SCUBE1: variants seen among roughly 807,000 people sequenced by gnomAD.
SCUBE1 encodes the protein signal peptide, CUB and EGF-like domain-containing protein 1.
A neutral mutation model predicts 124.4 loss-of-function variants in SCUBE1; 59 were observed. That is an observed-to-expected ratio of 0.47 (90% confidence interval 0.38 to 0.59). SCUBE1 has a LOEUF of 0.59. Among genes scored for constraint, SCUBE1 ranks in the 20% least tolerant of loss-of-function variants. SCUBE1 has a pLI of 0.00. For missense variants in SCUBE1, 1,150 were observed against 1,371.2 expected, an observed-to-expected ratio of 0.84 and a Z score of 2.55; for synonymous variants, 545 against 550.9, an observed-to-expected ratio of 0.99 and a Z score of 0.15.
Position 43,206,408 on chromosome 22 carries a change from C to T in SCUBE1, c.2814+1126G>A, listed in dbSNP as rs1601791916. ...CTCCCCCACCCCCCGCACACACACACGCGTGCCCTGAACCCACACCCTGGA... is the reference window on the plus strand; with the variant it reads ...CTCCCCCACCCCCCGCACACACACATGCGTGCCCTGAACCCACACCCTGGA... On this transcript the variant is annotated intron_variant, in intron 21 of 21. Transcript: ENST00000360835. Among the ~76,000 whole-genome samples, 7 of 152,270 alleles carry T rather than the reference C, an allele frequency of 4.6e-5. 1 individual carries two copies. Among genetic ancestry groups the T allele is most frequent in the African/African-American group, 1.4e-4 (6 of 41,552 alleles).
In SCUBE1 at chr22:43,207,536, T is replaced by G. The variant is rs1921340384; in HGVS notation, c.2812A>C (p.Lys938Gln). The G allele has an allele frequency of 1.2e-6, 2 of 1,612,838 alleles. No individual in the cohort carries two copies. Among genetic ancestry groups the G allele is most frequent in the African/African-American group, 2.7e-5 (2 of 75,034 alleles). ...YASENHQEIL[K>Q]DKKLIKALFD... is the part of the protein sequence containing the mutation. Reference sequence around the variant, plus strand: ...TCCCTTCCAATAAACTCACTCACTTTCAAAATTTCCTGGTGGTTCTCCGAG... The same window carrying G: ...TCCCTTCCAATAAACTCACTCACTTGCAAAATTTCCTGGTGGTTCTCCGAG... Residue 938 changes from lysine to glutamine, a missense_variant and splice_region_variant, in exon 21 of 22, where the codon AAA (lysine) becomes CAA (glutamine). By Grantham distance (53) the Lys-to-Gln change is moderately conservative (BLOSUM62 1). Transcript: ENST00000360835.
At chr22:43,260,231 C>T (rs1234518348) in intron 5 of SCUBE1, among the ~76,000 whole-genome samples, 1 of 152,192 alleles carries the variant, frequency 6.6e-6, no homozygotes, top group South Asian at 2.1e-4. Flanking sequence ...TGAGGCAACT[C>T]GAAGGGGATC....
chr22:43,237,412 G>T (rs931177188), intron 7 of SCUBE1, among the ~76,000 whole-genome samples: 13 of 152,208 alleles, frequency 8.5e-5, no homozygotes, highest in Admixed American at 7.8e-4. Context: ...GCAAATGCTG[G>T]CAGGCTGTGC....
At position 43,221,395 on chromosome 22, in the gene SCUBE1, G is replaced by A. The variant is rs367634994; in HGVS notation, c.1433-106C>T. 37 of 689,348 alleles carry A rather than the reference G, an allele frequency of 5.4e-5. 1 individual carries two copies. The highest frequency in any genetic ancestry group is 5.0e-4 in the East Asian group (19 of 38,298). 42.7% of individuals were successfully genotyped at this position (689,348 alleles called of 1,614,324 possible). ...CAAATCCATCTGGAGCTGGGGGTGGGGCTTGATCTGAGTCCCTGTGCCCCG... is the reference window on the plus strand; with the variant it reads ...CAAATCCATCTGGAGCTGGGGGTGGAGCTTGATCTGAGTCCCTGTGCCCCG... On this transcript the variant is annotated intron_variant, in intron 12 of 21. Transcript: ENST00000360835.
chr22:43,337,167 A>C (rs1927110382), intron 2 of SCUBE1, among the ~76,000 whole-genome samples: 3 of 152,202 alleles, frequency 2.0e-5, no homozygotes, highest in Admixed American at 6.5e-5. Flanking sequence ...AGGTGAGAAC[A>C]TGAAGCCTAC....
rs1921473544 is a variant in SCUBE1 at position 43,210,042 on chromosome 22, C to G, written c.2581+1G>C. The G allele has an allele frequency of 6.2e-7, 1 of 1,602,080 alleles. No individual in the cohort carries two copies. Among genetic ancestry groups the G allele is most frequent in the Non-Finnish European group, 8.5e-7 (1 of 1,173,934 alleles). On this transcript the variant is annotated splice_donor_variant, in intron 19 of 21. Transcript: ENST00000360835. LOFTEE classifies it high-confidence loss of function. The surrounding 1 kb of genome is among the most constrained non-coding windows in gnomAD (Gnocchi z 4.5). ...TCTGGTCCCCTCGGCCCCCAACATA[C>G]CACTCTTCCTCATGACCAGAACATC...
At chr22:43,316,229 A>G (rs1003636490) in intron 3 of SCUBE1, among the ~76,000 whole-genome samples, 1 of 152,184 alleles carries the variant, frequency 6.6e-6, no homozygotes, top group African/African-American at 2.4e-5. Context: ...TGAGGAAACT[A>G]AGGCATGGAG....
rs1305566493 is a variant in SCUBE1 at position 43,258,785 on chromosome 22, C to A, written c.611-450G>T. Among the ~76,000 whole-genome samples, 1 of 152,176 alleles carries A rather than the reference C, an allele frequency of 6.6e-6. No homozygotes were observed. Among genetic ancestry groups the A allele is most frequent in the African/African-American group, 2.4e-5 (1 of 41,438 alleles). ...CCAGGTGACCCTCATTTCCTTAGTT[C>A]TGGCAGAGCTTTCCTTCCTCTGCCT... On this transcript the variant is annotated intron_variant, in intron 5 of 21. Coordinates refer to ENST00000360835, the MANE Select transcript of SCUBE1 (RefSeq NM_173050.5). The surrounding 1 kb of genome is among the most constrained non-coding windows in gnomAD (Gnocchi z 5.0).
intron 2 of SCUBE1, among the ~76,000 whole-genome samples, chr22:43,333,650 G>A (rs1256027585): frequency 6.6e-6 from 1 of 152,190 alleles, no homozygotes; most frequent in Non-Finnish European, 1.5e-5. Context: ...CTGATTAGTT[G>A]GTAAAGACAA....
chr22:43,287,787 G>A (rs1386331925), intron 4 of SCUBE1, among the ~76,000 whole-genome samples: 1 of 152,234 alleles, frequency 6.6e-6, no homozygotes, highest in African/African-American at 2.4e-5. Flanking sequence ...TGCAAAACAA[G>A]CTGAGTCTTA....
intron 4 of SCUBE1, among the ~76,000 whole-genome samples, chr22:43,287,305 T>G (rs1825779669): frequency 6.6e-6 from 1 of 152,224 alleles, no homozygotes; most frequent in South Asian, 2.1e-4. Flanking sequence ...CATCAGTCGC[T>G]ACTCCTAGGA....
intron 3 of SCUBE1, among the ~76,000 whole-genome samples, chr22:43,301,854 G>A (rs889699378): frequency 2.0e-5 from 3 of 152,338 alleles, no homozygotes; most frequent in East Asian, 1.9e-4. Context: ...GGTGGGGAAC[G>A]GCGCTTCTGG....
At position 43,339,073 on chromosome 22, in the gene SCUBE1, G is replaced by A. The variant is rs751264498; in HGVS notation, c.220+31C>T. The A allele has an allele frequency of 3.1e-6, 5 of 1,611,652 alleles. No homozygotes were observed. In the East Asian group the frequency reaches 1.1e-4, roughly 36 times the overall value. On this transcript the variant is annotated intron_variant, in intron 2 of 21. Transcript: ENST00000360835. ...CCTACAGCAGCCCTGGCAGCCTCAGGGTCTGCCCGGGAGGGCCGGGCTGGA... is the reference window on the plus strand; with the variant it reads ...CCTACAGCAGCCCTGGCAGCCTCAGAGTCTGCCCGGGAGGGCCGGGCTGGA...
At position 43,318,770 on chromosome 22, in the gene SCUBE1, C is replaced by T. The variant is rs369345467; in HGVS notation, c.349+1167G>A. ...TTGAGATGGAGTTTCACTCTTGTCG[C>T]CCGGGCTGGAGTGCAATGGTGTGAT... is the stretch of plus-strand genomic sequence containing the variant. On this transcript the variant is annotated intron_variant, in intron 3 of 21. Coordinates refer to ENST00000360835, the MANE Select transcript of SCUBE1 (RefSeq NM_173050.5). Among the ~76,000 whole-genome samples, 26 of 152,272 alleles carry T rather than the reference C, an allele frequency of 1.7e-4. No homozygotes were observed. In the South Asian group the frequency reaches 5.4e-3, roughly 32 times the overall value.
chr22:43,249,897 C>T lies in SCUBE1; in HGVS notation c.727+8322G>A, dbSNP rs149572096. Among the ~76,000 whole-genome samples, 1,231 of 152,264 alleles carry T rather than the reference C, an allele frequency of 8.1e-3. 9 individuals carry two copies. The highest frequency in any genetic ancestry group is 0.014 in the Non-Finnish European group (921 of 68,018). On this transcript the variant is annotated intron_variant, in intron 6 of 21. Transcript: ENST00000360835. ...AAGCCAGGGGAAGCCTGGGACTCCA[C>T]CTGGCCCTGCCTGCTCACCTGCAGA...
chr22:43,227,375 C>A lies in SCUBE1; in HGVS notation c.1206G>T (p.Val402=). 6.2e-7 allele frequency: 1 copy of A among 1,609,222 alleles called. No individual in the cohort carries two copies. The highest frequency in any genetic ancestry group is 8.5e-7 in the Non-Finnish European group (1 of 1,179,320). ...RRLHWNGKDC[V]ETGKCLSRAK... Reference sequence around the variant, plus strand: ...CAGCAGCACAGGGCGGCCACCTACCCACGCAATCCTTCCCGTTCCAGTGGA... The same window carrying A: ...CAGCAGCACAGGGCGGCCACCTACCAACGCAATCCTTCCCGTTCCAGTGGA... Residue 402 remains valine, a splice_region_variant and synonymous_variant, in exon 10 of 22, where the codon GTG becomes GTT. Coordinates refer to ENST00000360835, the MANE Select transcript of SCUBE1 (RefSeq NM_173050.5).
chr22:43,203,985 C>A lies in SCUBE1; in HGVS notation c.*12G>T, dbSNP rs13056939. On this transcript the variant is annotated 3_prime_UTR_variant, in exon 22 of 22. Coordinates refer to ENST00000360835, the MANE Select transcript of SCUBE1 (RefSeq NM_173050.5). ...GGACCAGGCCACCCCCAGGCAGGGC[C>A]GCTCCCCCCGGTTATTTGTAGGGCC... The A allele has an allele frequency of 6.2e-7, 1 of 1,613,590 alleles. No individual in the cohort carries two copies. The highest frequency in any genetic ancestry group is 1.1e-5 in the South Asian group (1 of 91,060).
chr22:43,232,209 T>C (rs1209397325), intron 7 of SCUBE1: 1 of 272,422 alleles, frequency 3.7e-6, no homozygotes, highest in East Asian at 7.4e-5. Flanking sequence ...GACTCTCCCA[T>C]GTCCTCTCTT....
chr22:43,217,027 C>CCA (rs1365092890), intron 15 of SCUBE1, among the ~76,000 whole-genome samples: 2 of 125,608 alleles, frequency 1.6e-5, no homozygotes, highest in African/African-American at 3.4e-5. Context: ...ACAGCTTCCC[C>CCA]ACCCCGCCAG....
Sources: allele counts gnomAD v4.1 joint callset (sites outside exome capture counted in the v4.1 genomes callset), GRCh38; gene constraint gnomAD v4.1.1; non-coding constraint Gnocchi (gnomAD v3.1); transcripts MANE v1.5; gene names NCBI Gene and HGNC (gene_info 2026-07-23, HGNC 2026-07-21).